The following RBFOX1 variants were observed in gnomAD, a reference collection of about 807,000 sequenced individuals.
The protein encoded by RBFOX1 is RNA binding fox-1 homolog 1.
In RBFOX1, 8 loss-of-function variants were observed where a neutral mutation model predicts 57.7. The observed-to-expected ratio is 0.14, with a 90% CI of 0.08 to 0.25. RBFOX1 has a LOEUF of 0.25. Ranked by LOEUF, RBFOX1 falls within the 10% of genes least tolerant of loss-of-function variation. RBFOX1 has a pLI of 1.00. For missense variants in RBFOX1, 611 were observed against 548.5 expected (o/e 1.11, Z -1.14); for synonymous variants, 326 against 222.4 (o/e 1.47, Z -4.15).
chr16:5,284,347 A>C (rs1168411933), intron 1 of RBFOX1, among the ~76,000 whole-genome samples: 1 of 151,978 alleles, frequency 6.6e-6, no homozygotes, highest in Non-Finnish European at 1.5e-5. Flanking sequence ...GGTTTTCTTT[A>C]GCGGTGACAT....
At chr16:5,622,500 C>T (rs185077551) in intron 3 of RBFOX1, among the ~76,000 whole-genome samples, 92 of 152,286 alleles carry the variant, frequency 6.0e-4, no homozygotes, top group African/African-American at 7.2e-5. Context: ...CGGAGATCTT[C>T]GTTCATGCCT....
chr16:5,519,090 C>G (rs935967075), intron 2 of RBFOX1, among the ~76,000 whole-genome samples: 13 of 152,060 alleles, frequency 8.5e-5, no homozygotes, highest in Admixed American at 3.3e-4. Flanking sequence ...GAGAGAGGCT[C>G]CAAAAGAAAA....
At position 5,945,067 on chromosome 16, in the gene RBFOX1, T is replaced by A. The variant is rs1413261138; in HGVS notation, c.351+77732T>A. On this transcript the variant is annotated intron_variant, in intron 4 of 19. Coordinates refer to the RBFOX1 transcript ENST00000641259. ...GCTTCTTCTGGAGGGAGACTGGAGCTCTATGTAGGTTTAAGGGCTGTGAAA... is the reference window on the plus strand; with the variant it reads ...GCTTCTTCTGGAGGGAGACTGGAGCACTATGTAGGTTTAAGGGCTGTGAAA... Among the ~76,000 whole-genome samples the A allele has an allele frequency of 2.0e-5, 3 of 149,846 alleles. No individual in the cohort carries two copies. In the East Asian group the frequency reaches 5.9e-4, roughly 30 times the overall value.
Position 6,829,784 on chromosome 16 carries a change from TAGA to T in RBFOX1, c.-16+175136_-16+175138del, listed in dbSNP as rs199556089. The stretch of plus-strand genomic sequence containing the variant: ...ACCCAGCTAATTTTTGCATTTGTAG[TAGA>T]AATAGGATTTCGCCACGTTGGCCAG... On this transcript the variant is annotated intron_variant, in intron 3 of 15. Coordinates refer to ENST00000550418, the MANE Select transcript of RBFOX1 (RefSeq NM_018723.4). Among the ~76,000 whole-genome samples, 1,045 of 152,268 alleles carry T rather than the reference TAGA, an allele frequency of 6.9e-3. 54 individuals are homozygous for T. The highest frequency in any genetic ancestry group is 0.062 in the Admixed American group (953 of 15,298).
chr16:6,902,830 T>G (rs918098259), intron 3 of RBFOX1, among the ~76,000 whole-genome samples: 1 of 152,206 alleles, frequency 6.6e-6, no homozygotes, highest in Admixed American at 6.5e-5. Flanking sequence ...GATTGTACAC[T>G]GTTTTCCATC....
chr16:7,253,916 T>C (rs994756797), intron 4 of RBFOX1, among the ~76,000 whole-genome samples: 1 of 152,174 alleles, frequency 6.6e-6, no homozygotes, highest in Non-Finnish European at 1.5e-5. Flanking sequence ...GAAGAGTCTT[T>C]ATATAGGAGC....
At chr16:5,906,016 G>C (rs1442693319) in intron 4 of RBFOX1, among the ~76,000 whole-genome samples, 2 of 152,204 alleles carry the variant, frequency 1.3e-5, no homozygotes, top group East Asian at 3.9e-4. Context: ...GGAGGATGCT[G>C]TCTGCAGGTA....
chr16:6,809,628 C>T (rs1450691376), intron 3 of RBFOX1, among the ~76,000 whole-genome samples: 1 of 152,090 alleles, frequency 6.6e-6, no homozygotes, highest in Non-Finnish European at 1.5e-5. Context: ...ATCCGAAGTC[C>T]ATAGGAACAC....
At chr16:7,162,376 C>G (rs560225265) in intron 4 of RBFOX1, among the ~76,000 whole-genome samples, 3 of 151,970 alleles carry the variant, frequency 2.0e-5, no homozygotes, top group East Asian at 1.9e-4. Flanking sequence ...CACAGTAATT[C>G]TATAAATATA....
At chr16:7,382,585 A>G (rs556394234) in intron 4 of RBFOX1, among the ~76,000 whole-genome samples, 1 of 152,348 alleles carries the variant, frequency 6.6e-6, no homozygotes, top group Non-Finnish European at 1.5e-5. Flanking sequence ...CAGTGAAGAT[A>G]CACATTTTAA....
intron 3 of RBFOX1, among the ~76,000 whole-genome samples, chr16:6,837,347 G>C (rs897755073): frequency 1.1e-4 from 17 of 152,174 alleles, no homozygotes; most frequent in African/African-American, 4.1e-4. Flanking sequence ...ACTCTGATAA[G>C]GAAGTGGAGT....
chr16:7,676,842 A>G lies in RBFOX1; in HGVS notation c.995+4A>G, dbSNP rs756615781. On this transcript the variant is annotated splice_donor_region_variant and intron_variant, in intron 14 of 15. Coordinates refer to ENST00000550418, the MANE Select transcript of RBFOX1 (RefSeq NM_018723.4). The stretch of plus-strand genomic sequence containing the variant: ...CTGCCGCTGCCTACAGTGACAGGTA[A>G]GGGTCATCCTTCTTGTGCTTGACAA... The G allele has an allele frequency of 1.9e-6, 3 of 1,610,392 alleles. No individual in the cohort carries two copies. The highest frequency in any genetic ancestry group is 2.5e-6 in the Non-Finnish European group (3 of 1,176,834).
chr16:7,225,920 A>ATATATATATATATATATATATAT (rs71147674), intron 4 of RBFOX1, among the ~76,000 whole-genome samples: 6 of 140,934 alleles, frequency 4.3e-5, no homozygotes, highest in African/African-American at 5.4e-5. Flanking sequence ...ATATATATAT[A>ATATATATATATATATATATATAT]AATGTGAATG....
intron 2 of RBFOX1, among the ~76,000 whole-genome samples, chr16:6,421,449 A>C (rs1597005857): frequency 6.6e-6 from 1 of 152,206 alleles, no homozygotes; most frequent in East Asian, 1.9e-4. Flanking sequence ...GGAGGTTATG[A>C]ATTCTGAATC....
chr16:6,764,556 T>G (rs1487956763), intron 3 of RBFOX1, among the ~76,000 whole-genome samples: 2 of 152,174 alleles, frequency 1.3e-5, no homozygotes, highest in African/African-American at 4.8e-5. Context: ...AGGACATGGT[T>G]TCTGTCCCCA....
intron 4 of RBFOX1, among the ~76,000 whole-genome samples, chr16:7,512,305 G>A (rs1265531751): frequency 6.6e-6 from 1 of 152,168 alleles, no homozygotes; most frequent in Non-Finnish European, 1.5e-5. Flanking sequence ...CTTAATGTCA[G>A]TGTATTTTTC....
At chr16:7,461,202 C>G (rs556347467) in intron 4 of RBFOX1, among the ~76,000 whole-genome samples, 1 of 151,776 alleles carries the variant, frequency 6.6e-6, no homozygotes. Context: ...ACAGTCTCAC[C>G]CTGTCCCCAG....
In RBFOX1 at chr16:6,097,198, T is replaced by G. The variant is rs1033956683; in HGVS notation, c.-127+77206T>G. On this transcript the variant is annotated intron_variant, in intron 1 of 15. Coordinates refer to ENST00000550418, the MANE Select transcript of RBFOX1 (RefSeq NM_018723.4). This position sits in a 1 kb window ranked among gnomAD's most constrained non-coding sequence, Gnocchi z 5.0. ...ACGTGACTTTCGCTTTCTGCCATGA[T>G]TGTGAGGCCTCCGTAGCCATGTGGA... is the stretch of plus-strand genomic sequence containing the variant. Among the ~76,000 whole-genome samples, 6 of 152,230 alleles carry G rather than the reference T, an allele frequency of 3.9e-5. No individual in the cohort carries two copies. The highest frequency in any genetic ancestry group is 1.4e-4 in the African/African-American group (6 of 41,464).
At chr16:6,697,577 G>A (rs1426495043) in intron 3 of RBFOX1, among the ~76,000 whole-genome samples, 2 of 152,152 alleles carry the variant, frequency 1.3e-5, no homozygotes, top group South Asian at 4.1e-4. Flanking sequence ...TGAGTCAAAG[G>A]CTTATCCTGG....
Sources: gnomAD v4.1 joint callset for allele counts (sites outside exome capture counted in the v4.1 genomes callset) on GRCh38, gnomAD v4.1.1 for gene constraint, Gnocchi (gnomAD v3.1) non-coding constraint, MANE v1.5 for transcripts, NCBI Gene and HGNC (gene_info 2026-07-23, HGNC 2026-07-21) for gene names.